TBC1D5: variants seen among roughly 807,000 people sequenced by gnomAD.
The protein encoded by TBC1D5 is TBC1 domain family, member 5.
TBC1D5 carries 75 observed loss-of-function variants against 100.3 expected under a neutral mutation model. That is an observed-to-expected ratio of 0.75 (90% CI 0.62 to 0.91). The LOEUF (loss-of-function observed/expected upper bound fraction) is 0.91. Among genes scored for constraint, TBC1D5 ranks in the 40% least tolerant of loss-of-function variants. The pLI is 0.00. For synonymous variants in TBC1D5, 323 were observed against 325.6 expected, an observed-to-expected ratio of 0.99 and a Z score of 0.09; for missense variants, 910 against 942.4, an observed-to-expected ratio of 0.97 and a Z score of 0.45.
At chr3:17,718,641 T>C (rs997840902) in intron 1 of TBC1D5, among the ~76,000 whole-genome samples, 3 of 152,130 alleles carry the variant, frequency 2.0e-5, no homozygotes, top group African/African-American at 7.2e-5. Flanking sequence ...CATTTTTAAC[T>C]GTACAAATCA....
intron 1 of TBC1D5, among the ~76,000 whole-genome samples, chr3:17,700,886 T>G (rs565770611): frequency 2.0e-5 from 3 of 152,296 alleles, no homozygotes; most frequent in Admixed American, 1.3e-4. Context: ...TTGGTGGGAC[T>G]GTAAACCAGT....
intron 2 of TBC1D5, among the ~76,000 whole-genome samples, chr3:17,585,847 C>T (rs567577266): frequency 8.4e-4 from 128 of 152,214 alleles, no homozygotes; most frequent in African/African-American, 2.8e-3. Flanking sequence ...CATAAATGTA[C>T]ATTTTATTCC....
intron 1 of TBC1D5, among the ~76,000 whole-genome samples, chr3:17,696,515 T>A (rs1410580630): frequency 6.6e-6 from 1 of 152,080 alleles, no homozygotes; most frequent in Non-Finnish European, 1.5e-5. Context: ...ATAGATGAAT[T>A]CCTGGATACA....
intron 9 of TBC1D5, among the ~76,000 whole-genome samples, chr3:17,380,791 CAA>C (rs1420055635): frequency 6.6e-6 from 1 of 152,044 alleles, no homozygotes; most frequent in East Asian, 1.9e-4. Context: ...ATCAGGCAGT[CAA>C]AGTTCATTAA....
At chr3:17,493,563 G>A (rs144761529) in intron 3 of TBC1D5, among the ~76,000 whole-genome samples, 1 of 152,272 alleles carries the variant, frequency 6.6e-6, no homozygotes, top group East Asian at 1.9e-4. Context: ...AGGTACCCCA[G>A]TCAGTTGTAG....
intron 1 of TBC1D5, among the ~76,000 whole-genome samples, chr3:17,633,203 G>A (rs955257310): frequency 2.0e-5 from 3 of 152,260 alleles, no homozygotes; most frequent in Middle Eastern, 3.4e-3. Context: ...TCAGGAGGCC[G>A]AGGCGAGTGG....
At chr3:17,222,104 T>C (rs2074352327) in intron 17 of TBC1D5, among the ~76,000 whole-genome samples, 1 of 152,270 alleles carries the variant, frequency 6.6e-6, no homozygotes, top group Non-Finnish European at 1.5e-5. Flanking sequence ...TGTTTTATTA[T>C]GTGCTGTTCA....
rs74461548 is a variant in TBC1D5 at position 17,480,519 on chromosome 3, C to T, written c.97+27955G>A. ...TGGACCCAGCCAGGACTACCAGCTA[C>T]GGGAAGGAGTTACCCACCTTGGGTC... is the stretch of plus-strand genomic sequence containing the variant. On this transcript the variant is annotated intron_variant, in intron 3 of 21. Coordinates refer to ENST00000253692, the Ensembl canonical transcript of TBC1D5. 3.5e-3 allele frequency among the ~76,000 whole-genome samples: 536 copies of T among 152,286 alleles called. 3 individuals are homozygous for T. Among genetic ancestry groups the T allele is most frequent in the African/African-American group, 0.012 (518 of 41,564 alleles).
intron 1 of TBC1D5, among the ~76,000 whole-genome samples, chr3:17,630,022 G>C (rs1346684920): frequency 6.6e-6 from 1 of 152,066 alleles, no homozygotes; most frequent in Non-Finnish European, 1.5e-5. Context: ...AAGAAAACTG[G>C]GTTTATGATC....
intron 18 of TBC1D5, among the ~76,000 whole-genome samples, chr3:17,197,228 C>T (rs548390046): frequency 6.6e-6 from 1 of 152,272 alleles, no homozygotes; most frequent in East Asian, 1.9e-4. Flanking sequence ...ATATTTATTG[C>T]ACTATTTATT....
chr3:17,413,755 T>C (rs2093996352), intron 4 of TBC1D5, among the ~76,000 whole-genome samples: 1 of 152,184 alleles, frequency 6.6e-6, no homozygotes, highest in African/African-American at 2.4e-5. Flanking sequence ...TTACACTGTA[T>C]AGGTTTATAT....
intron 2 of TBC1D5, among the ~76,000 whole-genome samples, chr3:17,559,149 A>G (rs986962411): frequency 6.7e-6 from 1 of 149,914 alleles, no homozygotes; most frequent in Non-Finnish European, 1.5e-5. Flanking sequence ...ATAAATGTAA[A>G]ACTTTTTTTT....
exon 11 of TBC1D5, chr3:17,374,632 G>T: frequency 6.2e-7 from 1 of 1,611,292 alleles, no homozygotes; most frequent in Non-Finnish European, 8.5e-7. Context: ...TACTTACTAG[G>T]CATCATGTTC....
At chr3:17,306,500 A>T (rs1037313231) in intron 14 of TBC1D5, among the ~76,000 whole-genome samples, 4 of 152,232 alleles carry the variant, frequency 2.6e-5, no homozygotes, top group African/African-American at 9.6e-5. Flanking sequence ...TACATTTTAT[A>T]AAGTCATCAG....
intron 2 of TBC1D5, among the ~76,000 whole-genome samples, chr3:17,621,115 T>C (rs2062621979): frequency 6.6e-6 from 1 of 152,112 alleles, no homozygotes; most frequent in Admixed American, 6.6e-5. Flanking sequence ...CATATAAATA[T>C]GAGAAGCAAG....
rs2075631487 is a variant in TBC1D5, at chr3:17,233,770, ATAAT to A, written c.1588+4389_1588+4392del. The stretch of plus-strand genomic sequence containing the variant: ...CATCGCCTGGATTTCATAAGAAAAA[ATAAT>A]TAGATTTCATAAAAAGGAAATAATC... On this transcript the variant is annotated intron_variant, in intron 17 of 21. Coordinates refer to ENST00000253692, the Ensembl canonical transcript of TBC1D5. 6.7e-7 allele frequency: 1 copy of A among 1,493,144 alleles called. No individual in the cohort carries two copies. Among genetic ancestry groups the A allele is most frequent in the South Asian group, 1.2e-5 (1 of 80,802 alleles). The allele number at this position is 1,493,144 out of a possible 1,614,324, so 92.5% of individuals were successfully genotyped here.
chr3:17,718,218 A>T (rs2075394619), intron 1 of TBC1D5, among the ~76,000 whole-genome samples: 1 of 152,218 alleles, frequency 6.6e-6, no homozygotes, highest in African/African-American at 2.4e-5. Context: ...GGTTTTTCCT[A>T]AAAGAAGATG....
chr3:17,314,067 T>G (rs979931049), intron 13 of TBC1D5, among the ~76,000 whole-genome samples: 1 of 152,132 alleles, frequency 6.6e-6, no homozygotes, highest in African/African-American at 2.4e-5. Flanking sequence ...CCAGGCCTGA[T>G]ATTTGAAGGT....
chr3:17,709,686 G>C (rs866102903), intron 1 of TBC1D5, among the ~76,000 whole-genome samples: 1 of 152,092 alleles, frequency 6.6e-6, no homozygotes, highest in Non-Finnish European at 1.5e-5. Flanking sequence ...GAAACTAAGA[G>C]GAATACCAGA....
Sources: allele counts gnomAD v4.1 joint callset (sites outside exome capture counted in the v4.1 genomes callset), GRCh38; gene constraint gnomAD v4.1.1; transcripts MANE v1.5; gene names NCBI Gene and HGNC (gene_info 2026-07-23, HGNC 2026-07-21).